The following CEP85L variants were observed in gnomAD, a reference collection of about 807,000 sequenced individuals.
CEP85L encodes centrosomal protein 85L, also known as centrosomal protein of 85 kDa-like.
A neutral mutation model predicts 100.3 loss-of-function variants in CEP85L; 60 were observed. The ratio of observed to expected loss-of-function variants is 0.60; its 90% confidence interval spans 0.49 to 0.74. CEP85L has a LOEUF of 0.74. CEP85L is among the 30% of genes least tolerant of loss of function. CEP85L has a pLI of 0.00. For synonymous variants in CEP85L, 319 were observed against 322.7 expected, an observed-to-expected ratio of 0.99 and a Z score of 0.12; for missense variants, 973 against 936.2, an observed-to-expected ratio of 1.04 and a Z score of -0.51.
At chr6:118,599,212 G>C (rs1771649842) in intron 2 of CEP85L, among the ~76,000 whole-genome samples, 1 of 152,120 alleles carries the variant, frequency 6.6e-6, no homozygotes, top group African/African-American at 2.4e-5. Context: ...TGAAATGATT[G>C]ATTCAAGGGC....
intron 1 of CEP85L, among the ~76,000 whole-genome samples, chr6:118,694,256 T>C (rs1421313041): frequency 1.3e-5 from 2 of 152,230 alleles, no homozygotes; most frequent in African/African-American, 4.8e-5. Flanking sequence ...TGGGTAATGA[T>C]GTTCATTCAT....
chr6:118,641,075 A>G (rs1774839314), intron 1 of CEP85L, among the ~76,000 whole-genome samples: 2 of 152,166 alleles, frequency 1.3e-5, no homozygotes, highest in Admixed American at 6.5e-5. Context: ...TCTGACAAAT[A>G]CCACATAACA....
intron 1 of CEP85L, among the ~76,000 whole-genome samples, chr6:118,698,913 A>G (rs1777304871): frequency 6.6e-6 from 1 of 151,786 alleles, no homozygotes; most frequent in Admixed American, 6.6e-5. Context: ...TAACCATGAT[A>G]ACTGTGTTAA....
intron 1 of CEP85L, among the ~76,000 whole-genome samples, chr6:118,637,938 G>A (rs1774614219): frequency 6.6e-6 from 1 of 152,038 alleles, no homozygotes; most frequent in African/African-American, 2.4e-5. Context: ...TAAGCAAGTA[G>A]TATCAAATTC....
At chr6:118,489,125 G>C (rs960335818) in intron 6 of CEP85L, among the ~76,000 whole-genome samples, 3 of 151,932 alleles carry the variant, frequency 2.0e-5, no homozygotes, top group African/African-American at 7.3e-5. Flanking sequence ...AAATTAGCTG[G>C]GCATGGTGGC....
At chr6:118,622,885 T>C (rs1773542629) in intron 2 of CEP85L, among the ~76,000 whole-genome samples, 1 of 152,212 alleles carries the variant, frequency 6.6e-6, no homozygotes, top group Non-Finnish European at 1.5e-5. Flanking sequence ...TAAGCAGGAC[T>C]TCCCTTTAGA....
intron 1 of CEP85L, among the ~76,000 whole-genome samples, chr6:118,665,342 ATTTAT>A (rs146135870): frequency 1.8e-4 from 27 of 151,972 alleles, no homozygotes; most frequent in Admixed American, 9.2e-4. Context: ...ATTCAATTTT[ATTTAT>A]TTTATTTTAT....
chr6:118,470,084 G>C (rs903456396), intron 11 of CEP85L, among the ~76,000 whole-genome samples: 1 of 151,806 alleles, frequency 6.6e-6, no homozygotes, highest in Non-Finnish European at 1.5e-5. Context: ...CACAAACTTC[G>C]GTGCGAGAGA....
At chr6:118,506,614 G>A (rs1275938882) in intron 5 of CEP85L, among the ~76,000 whole-genome samples, 1 of 152,070 alleles carries the variant, frequency 6.6e-6, no homozygotes, top group Admixed American at 6.5e-5. Context: ...AGTTGGTGGG[G>A]GAAAGCACTT....
At chr6:118,683,716 A>G (rs1308403495) in intron 1 of CEP85L, among the ~76,000 whole-genome samples, 1 of 152,232 alleles carries the variant, frequency 6.6e-6, no homozygotes, top group East Asian at 1.9e-4. Context: ...TTTGTAAAGC[A>G]TATAGTTAAT....
At chr6:118,692,796 G>C (rs371048923) in intron 1 of CEP85L, among the ~76,000 whole-genome samples, 23 of 72,608 alleles carry the variant, frequency 3.2e-4, no homozygotes, top group African/African-American at 1.1e-3. Context: ...TAGATACAAT[G>C]ATAGAAGGGG....
Position 118,566,189 on chromosome 6 carries a change from T to G in CEP85L, c.360A>C (p.Pro120=), listed in dbSNP as rs1562266942. ...SISKLRESLT[P]DGSKWSTSLM... ...GGCTTGTACTCCATTTTGAGCCATC[T>G]GGTGTCAATGATTCCCTAAGTTTGG... is the stretch of plus-strand genomic sequence containing the variant. Residue 120 remains proline, a synonymous_variant, in exon 3 of 13, where the codon CCA becomes CCC. Transcript: ENST00000368491. 6.2e-7 allele frequency: 1 copy of G among 1,614,214 alleles called. No individual in the cohort carries two copies. The highest frequency in any genetic ancestry group is 8.5e-7 in the Non-Finnish European group (1 of 1,180,036).
chr6:118,709,697 T>C (rs998068456), intron 1 of CEP85L, among the ~76,000 whole-genome samples: 9 of 152,042 alleles, frequency 5.9e-5, no homozygotes, highest in African/African-American at 2.2e-4. Context: ...TCACAGTAAA[T>C]GCAGAGTAAC....
chr6:118,676,693 A>G (rs1253839383), intron 1 of CEP85L, among the ~76,000 whole-genome samples: 1 of 152,182 alleles, frequency 6.6e-6, no homozygotes, highest in African/African-American at 2.4e-5. Flanking sequence ...AGTCCTTTGG[A>G]TATATACCCA....
chr6:118,556,497 G>C (rs561254126), intron 3 of CEP85L, among the ~76,000 whole-genome samples: 1 of 152,202 alleles, frequency 6.6e-6, no homozygotes, highest in East Asian at 1.9e-4. Flanking sequence ...TGGTTTCTTT[G>C]CCAAAGTAAA....
chr6:118,641,032 T>C (rs568412780), intron 1 of CEP85L, among the ~76,000 whole-genome samples: 2 of 152,310 alleles, frequency 1.3e-5, no homozygotes, highest in African/African-American at 4.8e-5. Context: ...TTACTGAGCA[T>C]GTGTAACTTT....
chr6:118,519,183 T>G (rs1380364109), intron 4 of CEP85L, among the ~76,000 whole-genome samples: 1 of 151,946 alleles, frequency 6.6e-6, no homozygotes, highest in Non-Finnish European at 1.5e-5. Flanking sequence ...GGGCCAGGTG[T>G]GGTGGCTCAT....
intron 3 of CEP85L, among the ~76,000 whole-genome samples, chr6:118,536,041 T>G (rs945809843): frequency 1.3e-5 from 2 of 152,120 alleles, no homozygotes; most frequent in African/African-American, 4.8e-5. Flanking sequence ...TTTACATATC[T>G]CCCACTCAAC....
At chr6:118,670,832 C>T (rs1441433661) in intron 1 of CEP85L, among the ~76,000 whole-genome samples, 2 of 152,020 alleles carry the variant, frequency 1.3e-5, no homozygotes, top group Non-Finnish European at 2.9e-5. Context: ...TTGAACTAAA[C>T]TGAAATCATC....
Sources: allele counts gnomAD v4.1 joint callset (sites outside exome capture counted in the v4.1 genomes callset), GRCh38; gene constraint gnomAD v4.1.1; transcripts MANE v1.5; gene names NCBI Gene and HGNC (gene_info 2026-07-23, HGNC 2026-07-21).